Variants in CLN6 observed in about 807,000 individuals in gnomAD.
The protein encoded by CLN6 is CLN6 transmembrane ER protein.
Under a neutral mutation model 33.3 loss-of-function variants are expected in CLN6, and 22 were observed. The ratio of observed to expected loss-of-function variants is 0.66; its 90% CI spans 0.47 to 0.94. The LOEUF (loss-of-function observed/expected upper bound fraction) is 0.94. Ranked by LOEUF, CLN6 falls within the 40% of genes least tolerant of loss-of-function variation. CLN6 has a pLI of 0.00. For synonymous variants in CLN6, 201 were observed against 174.6 expected, an observed-to-expected ratio of 1.15 and a Z score of -1.19; for missense variants, 387 against 417.1, an observed-to-expected ratio of 0.93 and a Z score of 0.63.
At chr15:68,222,752 C>T (rs1429035474) in intron 1 of CLN6, among the ~76,000 whole-genome samples, 1 of 152,178 alleles carries the variant, frequency 6.6e-6, no homozygotes, top group Non-Finnish European at 1.5e-5. Context: ...AAGAAGTAGA[C>T]ATAGGAGACT....
At chr15:68,243,518 G>C (rs1197285175) in intron 1 of CLN6, among the ~76,000 whole-genome samples, 2 of 152,116 alleles carry the variant, frequency 1.3e-5, no homozygotes, top group African/African-American at 4.8e-5. Context: ...GCTTTGGGAG[G>C]CCAAGGTGGG....
rs2093230793 is a variant in CLN6, at chr15:68,219,856, G to C, written c.84-1206C>G. 6.6e-6 allele frequency among the ~76,000 whole-genome samples: 1 copy of C among 152,192 alleles called. No individual in the cohort carries two copies. Among genetic ancestry groups the C allele is most frequent in the Non-Finnish European group, 1.5e-5 (1 of 68,044 alleles). ...GTGTGGGTTTCATCGTCTCGTTTGT[G>C]CCAAGAACAGGCGCCATGGACCACA... On this transcript the variant is annotated intron_variant, in intron 1 of 6. Coordinates refer to ENST00000249806, the MANE Select transcript of CLN6 (RefSeq NM_017882.3). This position sits in a 1 kb window ranked among gnomAD's most constrained non-coding sequence, Gnocchi z 4.2.
Position 68,229,677 on chromosome 15 carries a change from CG to C in CLN6, c.-94del. Reference sequence around the variant, plus strand: ...CGGAGGCCGCCGCAAATTCCCAGCGCGGGGCGGTTCGGGGCGGGCCGGCGAG... The same window carrying C: ...CGGAGGCCGCCGCAAATTCCCAGCGCGGGCGGTTCGGGGCGGGCCGGCGAG... On this transcript the variant is annotated 5_prime_UTR_variant, in exon 1 of 7. Transcript: ENST00000249806. 1 of 981,276 alleles carries C rather than the reference CG, an allele frequency of 1.0e-6. No individual in the cohort carries two copies. The highest frequency in any genetic ancestry group is 1.4e-6 in the Non-Finnish European group (1 of 738,478). 60.8% of individuals were successfully genotyped at this position (981,276 alleles called of 1,614,324 possible).
At position 68,252,077 on chromosome 15, in the gene CLN6, G is replaced by A. The variant is rs368074709; in HGVS notation, c.179+4613C>T. Reference sequence around the variant, plus strand: ...CAACCTCCGCCTTCCGGGTTCAAGCGATTCTCCTGCCTCAGCCTCCCGAGT... The same window carrying A: ...CAACCTCCGCCTTCCGGGTTCAAGCAATTCTCCTGCCTCAGCCTCCCGAGT... On this transcript the variant is annotated intron_variant, in intron 1 of 6. Coordinates refer to the CLN6 transcript ENST00000538696. Among the ~76,000 whole-genome samples, 169 of 149,476 alleles carry A rather than the reference G, an allele frequency of 1.1e-3. 1 individual carries two copies. The highest frequency in any genetic ancestry group is 4.0e-3 in the African/African-American group (164 of 40,706).
upstream of CLN6, among the ~76,000 whole-genome samples, chr15:68,234,019 CG>C: frequency 6.6e-6 from 1 of 152,196 alleles, no homozygotes; most frequent in East Asian, 1.9e-4. The surrounding 1 kb of genome is among the most constrained non-coding windows in gnomAD (Gnocchi z 4.1). Context: ...CTAGAAGCAA[CG>C]GGGGACAGGT....
intron 1 of CLN6, among the ~76,000 whole-genome samples, chr15:68,237,920 C>T (rs991057375): frequency 4.6e-5 from 7 of 151,238 alleles, no homozygotes; most frequent in African/African-American, 1.5e-4. Flanking sequence ...GTCAGGAGTT[C>T]GAGACCAGCC....
chr15:68,218,573 T>C lies in CLN6; in HGVS notation c.161A>G (p.Gln54Arg), dbSNP rs2093226926. 1.2e-6 allele frequency: 2 copies of C among 1,613,980 alleles called. No homozygotes were observed. Among genetic ancestry groups the C allele is most frequent in the Non-Finnish European group, 1.7e-6 (2 of 1,179,932 alleles). The change falls in exon 2 of 7, where the codon CAG becomes CGG. Residue 54 changes from glutamine to arginine, a missense_variant. By Grantham distance (43) the Gln-to-Arg change is conservative. Coordinates refer to ENST00000249806, the MANE Select transcript of CLN6 (RefSeq NM_017882.3). ...ACGCCCAAAGTCCAGAACCCAGTTC[T>C]GCAGTGTGAAGTAGAACCAGAGGTC... ...HLDLWFYFTL[Q>R]NWVLDFGRPI... is the part of the protein sequence containing the mutation.
At chr15:68,218,428 T>C (rs2141144910) in intron 2 of CLN6, 108 bp downstream of exon 2, 1 of 836,224 alleles carries the variant, frequency 1.2e-6, no homozygotes, top group Non-Finnish European at 2.1e-6. Context: ...TCTCTCAGTT[T>C]ACTAGGAGAT....
chr15:68,245,050 AGAG>A (rs1300773471), intron 1 of CLN6, among the ~76,000 whole-genome samples: 19 of 143,176 alleles, frequency 1.3e-4, no homozygotes, highest in Admixed American at 1.2e-3. Flanking sequence ...AAAAAAAAAA[AGAG>A]AGAGAGAGGC....
At chr15:68,251,940 T>C (rs904622219) in intron 1 of CLN6, among the ~76,000 whole-genome samples, 4 of 151,278 alleles carry the variant, frequency 2.6e-5, no homozygotes, top group African/African-American at 9.7e-5. Context: ...CATGTGCGTG[T>C]GTATGTGTGT....
chr15:68,251,167 A>C (rs1002888815), intron 1 of CLN6, among the ~76,000 whole-genome samples: 10 of 152,246 alleles, frequency 6.6e-5, no homozygotes, highest in Admixed American at 2.6e-4. Context: ...ACTTTAGTCC[A>C]TCACATTAAA....
At position 68,211,420 on chromosome 15, in the gene CLN6, C is replaced by T; in HGVS notation, c.487-102G>A. On this transcript the variant is annotated intron_variant, in intron 4 of 6. Transcript: ENST00000249806. This position sits in a 1 kb window ranked among gnomAD's most constrained non-coding sequence, Gnocchi z 5.9. ...CCTCTGACCACCCTTCTCCCAGTCC[C>T]AGGCCTCCCCCACTGCCTTATTCCC... 6.5e-7 allele frequency: 1 copy of T among 1,537,830 alleles called. No homozygotes were observed. The highest frequency in any genetic ancestry group is 1.4e-5 in the African/African-American group (1 of 73,378).
At chr15:68,248,960 C>A (rs573123152) in intron 1 of CLN6, among the ~76,000 whole-genome samples, 1 of 152,022 alleles carries the variant, frequency 6.6e-6, no homozygotes, top group African/African-American at 2.4e-5. Context: ...AATAGCAAAA[C>A]CAACAACAAC....
In CLN6 at chr15:68,245,333, C is replaced by T. The variant is rs1352535907; in HGVS notation, c.179+11357G>A. On this transcript the variant is annotated intron_variant, in intron 1 of 6. Coordinates refer to the CLN6 transcript ENST00000538696. ...ATCCCAGCATTTTGGGAGGCTGAGG[C>T]TGGCAGGTTGCTTGAACCCAGGAGC... Among the ~76,000 whole-genome samples, 4 of 151,910 alleles carry T rather than the reference C, an allele frequency of 2.6e-5. No individual in the cohort carries two copies. The South Asian group carries it at 6.2e-4, about 24-fold the overall frequency.
intron 1 of CLN6, among the ~76,000 whole-genome samples, chr15:68,238,347 T>A (rs1273140431): frequency 6.6e-6 from 1 of 151,406 alleles, no homozygotes; most frequent in African/African-American, 2.4e-5. Context: ...GAGGTTGCAG[T>A]GAGTCCAGAT....
chr15:68,218,375 G>A (rs1305160579), intron 2 of CLN6, 161 bp downstream of exon 2: 1 of 608,058 alleles, frequency 1.6e-6, no homozygotes, highest in Non-Finnish European at 3.0e-6. Context: ...TTGCCTGACG[G>A]GCCAAGTCAT....
chr15:68,225,418 CA>C (rs1339003785), intron 1 of CLN6, among the ~76,000 whole-genome samples: 3 of 152,134 alleles, frequency 2.0e-5, no homozygotes, highest in Admixed American at 1.3e-4. Context: ...AACATGAAAA[CA>C]GAGGACAGAA....
chr15:68,253,450 A>G (rs957679908), intron 1 of CLN6, among the ~76,000 whole-genome samples: 2 of 152,208 alleles, frequency 1.3e-5, no homozygotes, highest in African/African-American at 4.8e-5. Context: ...TCATTCCTAA[A>G]TTAATAACAT....
intron 1 of CLN6, among the ~76,000 whole-genome samples, chr15:68,251,317 A>G (rs1031889584): frequency 1.3e-5 from 2 of 152,222 alleles, no homozygotes; most frequent in Non-Finnish European, 2.9e-5. Flanking sequence ...GGTTATTTTT[A>G]AAAAGCCTAT....
Sources: allele counts gnomAD v4.1 joint callset (sites outside exome capture counted in the v4.1 genomes callset), GRCh38; gene constraint gnomAD v4.1.1; non-coding constraint Gnocchi (gnomAD v3.1); transcripts MANE v1.5; gene names NCBI Gene and HGNC (gene_info 2026-07-23, HGNC 2026-07-21).